Variants in CTNNA2 observed in about 807,000 individuals in gnomAD.
CTNNA2 encodes catenin alpha-2.
In CTNNA2, 42 loss-of-function variants were observed where a neutral mutation model predicts 101.0. The ratio of observed to expected loss-of-function variants is 0.42; its 90% CI spans 0.32 to 0.54. The LOEUF is 0.54. Ranked by LOEUF, CTNNA2 falls within the 20% of genes least tolerant of loss-of-function variation. CTNNA2 has a pLI of 0.14. For synonymous variants in CTNNA2, 450 were observed against 456.4 expected (o/e 0.99, Z 0.18); for missense variants, 871 against 1,223.1 (o/e 0.71, Z 4.29).
chr2:79,698,385 C>T (rs894719124), intron 2 of CTNNA2, among the ~76,000 whole-genome samples: 5 of 152,006 alleles, frequency 3.3e-5, no homozygotes, highest in African/African-American at 7.2e-5. Context: ...AAAAACAGAA[C>T]TTGAATCGTT....
chr2:80,274,683 C>G lies in CTNNA2; in HGVS notation c.1057-118528C>G, dbSNP rs116887277. Among the ~76,000 whole-genome samples the G allele has an allele frequency of 3.0e-4, 46 of 152,292 alleles. No homozygotes were observed. The East Asian group carries it at 8.1e-3, about 27-fold the overall frequency. On this transcript the variant is annotated intron_variant, in intron 7 of 18. Transcript: ENST00000402739. ...TTTCCCATGCTTGTTTTCCTTCTGTCCTTTCTACAGGCTAGCTACACTGAG... is the reference window on the plus strand; with the variant it reads ...TTTCCCATGCTTGTTTTCCTTCTGTGCTTTCTACAGGCTAGCTACACTGAG...
At chr2:79,889,503 G>GCCCTA (rs1684157179) in intron 6 of CTNNA2, among the ~76,000 whole-genome samples, 1 of 152,190 alleles carries the variant, frequency 6.6e-6, no homozygotes, top group Non-Finnish European at 1.5e-5. Flanking sequence ...CTAAACAATG[G>GCCCTA]TGGGACAGCA....
chr2:80,236,660 G>A (rs1462566191), intron 7 of CTNNA2, among the ~76,000 whole-genome samples: 4 of 152,178 alleles, frequency 2.6e-5, no homozygotes, highest in African/African-American at 4.8e-5. Context: ...ATACAGTAAA[G>A]TAGGCCTATA....
intron 1 of CTNNA2, among the ~76,000 whole-genome samples, chr2:79,651,085 C>T (rs1001397618): frequency 6.6e-6 from 1 of 152,034 alleles, no homozygotes; most frequent in Non-Finnish European, 1.5e-5. Context: ...TAAACTAGTT[C>T]AACCATTGTG....
At chr2:80,005,775 T>TTA (rs1388903169) in intron 7 of CTNNA2, among the ~76,000 whole-genome samples, 1 of 150,800 alleles carries the variant, frequency 6.6e-6, no homozygotes, top group East Asian at 2.0e-4. Flanking sequence ...GTTTATTTGT[T>TTA]TTTTTTTTTT....
intron 7 of CTNNA2, among the ~76,000 whole-genome samples, chr2:80,375,055 G>T (rs1175553994): frequency 6.6e-6 from 1 of 152,114 alleles, no homozygotes; most frequent in Non-Finnish European, 1.5e-5. Context: ...CACCCCAGGC[G>T]AGCACAGATG....
chr2:80,156,811 T>C (rs1704018902), intron 7 of CTNNA2, among the ~76,000 whole-genome samples: 1 of 152,226 alleles, frequency 6.6e-6, no homozygotes. Context: ...CATCCTTCAG[T>C]TGGCAGAACC....
At chr2:79,944,792 A>G (rs1057500225) in intron 7 of CTNNA2, among the ~76,000 whole-genome samples, 1 of 152,194 alleles carries the variant, frequency 6.6e-6, no homozygotes, top group African/African-American at 2.4e-5. Context: ...AGAGAAGGAG[A>G]AAAAGGGCTC....
chr2:80,277,922 C>T (rs979016908), intron 7 of CTNNA2, among the ~76,000 whole-genome samples: 7 of 152,048 alleles, frequency 4.6e-5, no homozygotes, highest in African/African-American at 9.7e-5. Flanking sequence ...CTACTTTCCC[C>T]GGGTTAAGCC....
chr2:80,626,881 C>G (rs1374660012), intron 18 of CTNNA2, among the ~76,000 whole-genome samples: 1 of 151,778 alleles, frequency 6.6e-6, no homozygotes, highest in Non-Finnish European at 1.5e-5. Flanking sequence ...TACCCCCTGA[C>G]AGGCCCCAGT....
At chr2:79,216,483 G>A (rs1256048463) in intron 2 of CTNNA2, among the ~76,000 whole-genome samples, 4 of 151,566 alleles carry the variant, frequency 2.6e-5, no homozygotes, top group Admixed American at 6.6e-5. Flanking sequence ...AAGAGGTTGG[G>A]GCATGGAAAT....
Position 80,162,458 on chromosome 2 carries a change from G to A in CTNNA2, c.1057-230753G>A, listed in dbSNP as rs548514666. On this transcript the variant is annotated intron_variant, in intron 7 of 18. Coordinates refer to ENST00000402739, the MANE Select transcript of CTNNA2 (RefSeq NM_001282597.3). ...TGCTTTTAACATGTGTTAGTGTCGA[G>A]ATGAGCGCCATTTTCCATCTCTGCT... The A allele has an allele frequency of 1.9e-6, 3 of 1,595,644 alleles. No homozygotes were observed. In the Middle Eastern group the frequency reaches 5.0e-4, roughly 267 times the overall value.
chr2:80,554,323 A>C (rs914287220), intron 11 of CTNNA2, among the ~76,000 whole-genome samples: 2 of 152,164 alleles, frequency 1.3e-5, no homozygotes, highest in African/African-American at 4.8e-5. Flanking sequence ...TTTATGAACT[A>C]TTGGTTGGAT....
chr2:80,604,582 C>T (rs1697842384), intron 16 of CTNNA2, among the ~76,000 whole-genome samples: 1 of 151,942 alleles, frequency 6.6e-6, no homozygotes, highest in African/African-American at 2.4e-5. Flanking sequence ...CTACCTAATG[C>T]CCTCTTTTGT....
intron 2 of CTNNA2, among the ~76,000 whole-genome samples, chr2:79,213,998 G>T (rs1249609054): frequency 3.9e-5 from 6 of 151,934 alleles, no homozygotes; most frequent in African/African-American, 9.7e-5. Flanking sequence ...CTACAGGGTG[G>T]GGTCCTGGCT....
chr2:80,119,220 T>C, intron 7 of CTNNA2, among the ~76,000 whole-genome samples: 1 of 152,222 alleles, frequency 6.6e-6, no homozygotes, highest in East Asian at 1.9e-4. Context: ...GCCAACAATA[T>C]TTGATAAGGA....
At chr2:79,252,736 T>G (rs147058659) in intron 2 of CTNNA2, among the ~76,000 whole-genome samples, 1 of 152,178 alleles carries the variant, frequency 6.6e-6, no homozygotes, top group Non-Finnish European at 1.5e-5. Flanking sequence ...GTGATAAGTT[T>G]GTAATGCATT....
chr2:80,460,662 C>T (rs1684347704), intron 9 of CTNNA2, among the ~76,000 whole-genome samples: 1 of 152,114 alleles, frequency 6.6e-6, no homozygotes, highest in Non-Finnish European at 1.5e-5. Context: ...GTATTTTACA[C>T]AACACACACA....
chr2:80,110,918 A>G (rs971952962), intron 7 of CTNNA2, among the ~76,000 whole-genome samples: 1 of 152,238 alleles, frequency 6.6e-6, no homozygotes, highest in Admixed American at 6.5e-5. Context: ...TAATTTATAA[A>G]GGAAAGAGGT....
Sources: gnomAD v4.1 joint callset for allele counts (sites outside exome capture counted in the v4.1 genomes callset) on GRCh38, gnomAD v4.1.1 for gene constraint, MANE v1.5 for transcripts, NCBI Gene and HGNC (gene_info 2026-07-23, HGNC 2026-07-21) for gene names.